PPP1R1C: variants seen among roughly 807,000 people sequenced by gnomAD.
PPP1R1C encodes the protein protein phosphatase 1 regulatory subunit 1C.
In PPP1R1C, 15 loss-of-function variants were observed where a neutral mutation model predicts 17.4. The observed-to-expected ratio is 0.86, with a 90% CI of 0.58 to 1.33. The LOEUF is 1.33. Among genes scored for constraint, PPP1R1C ranks in the 40% most tolerant of loss-of-function variants. The probability of loss-of-function intolerance (pLI) is 0.00; values close to 1 mark genes in which losing one functional copy is unlikely to be tolerated. For missense variants in PPP1R1C, 143 were observed against 130.0 expected, an observed-to-expected ratio of 1.10 and a Z score of -0.48; for synonymous variants, 35 against 43.1, an observed-to-expected ratio of 0.81 and a Z score of 0.73.
intron 2 of PPP1R1C, among the ~76,000 whole-genome samples, chr2:181,992,216 G>T (rs1213160826): frequency 1.3e-5 from 1 of 77,094 alleles, no homozygotes; most frequent in African/African-American, 4.9e-5. Context: ...GATAATTTCA[G>T]ATGTTAGAAA....
At chr2:182,036,988 CA>C (rs1307053989) in intron 2 of PPP1R1C, among the ~76,000 whole-genome samples, 1 of 152,076 alleles carries the variant, frequency 6.6e-6, no homozygotes, top group African/African-American at 2.4e-5. Flanking sequence ...ATGTGAATTT[CA>C]AAGAGAGAGT....
chr2:182,067,966 T>C (rs1413312334), intron 4 of PPP1R1C, among the ~76,000 whole-genome samples: 1 of 152,112 alleles, frequency 6.6e-6, no homozygotes, highest in African/African-American at 2.4e-5. Context: ...GCAGATGCCA[T>C]TACTGAACCG....
At chr2:182,126,699 C>T (rs186954405) in intron 5 of PPP1R1C, among the ~76,000 whole-genome samples, 49 of 152,028 alleles carry the variant, frequency 3.2e-4, no homozygotes, top group Admixed American at 3.0e-3. Flanking sequence ...ACCACTCAAC[C>T]GTAGGTCTTT....
At chr2:182,115,875 CTTCCT>C (rs1424311015) in intron 4 of PPP1R1C, among the ~76,000 whole-genome samples, 2 of 152,084 alleles carry the variant, frequency 1.3e-5, no homozygotes, top group Non-Finnish European at 2.9e-5. Flanking sequence ...TGAGGAATGA[CTTCCT>C]TTCATTTATC....
intron 1 of PPP1R1C, among the ~76,000 whole-genome samples, chr2:181,955,439 G>T (rs572280951): frequency 6.6e-6 from 1 of 152,168 alleles, no homozygotes; most frequent in Non-Finnish European, 1.5e-5. Context: ...TGTAATTATC[G>T]TTTCCCTTTT....
intron 2 of PPP1R1C, among the ~76,000 whole-genome samples, chr2:182,031,161 A>G (rs1158053075): frequency 1.3e-5 from 2 of 152,168 alleles, no homozygotes; most frequent in Non-Finnish European, 2.9e-5. Context: ...AAATGCAGAA[A>G]TCACCTGTCT....
chr2:182,041,895 A>G (rs1687195297), intron 2 of PPP1R1C, among the ~76,000 whole-genome samples: 1 of 152,138 alleles, frequency 6.6e-6, no homozygotes, highest in Non-Finnish European at 1.5e-5. Context: ...CTTAAAGTTT[A>G]ATTTATAATG....
chr2:182,001,550 C>A (rs1042680840), intron 2 of PPP1R1C, among the ~76,000 whole-genome samples: 9 of 152,090 alleles, frequency 5.9e-5, no homozygotes, highest in African/African-American at 2.2e-4. Flanking sequence ...TGGTCATATA[C>A]TTTCCTTCCA....
At chr2:182,097,643 A>T (rs960207445) in intron 4 of PPP1R1C, among the ~76,000 whole-genome samples, 1 of 152,162 alleles carries the variant, frequency 6.6e-6, no homozygotes, top group African/African-American at 2.4e-5. Flanking sequence ...GTATTTTGTG[A>T]CAGAAACAAG....
At chr2:181,991,501 A>C (rs1263503589) in intron 2 of PPP1R1C, among the ~76,000 whole-genome samples, 1 of 152,200 alleles carries the variant, frequency 6.6e-6, no homozygotes, top group Non-Finnish European at 1.5e-5. Context: ...TGAAGGCATG[A>C]GTCAGGGAAA....
chr2:182,125,360 CT>C (rs1003245449), intron 5 of PPP1R1C, among the ~76,000 whole-genome samples: 55 of 152,108 alleles, frequency 3.6e-4, no homozygotes, highest in African/African-American at 1.3e-3. Flanking sequence ...CTGAAATTTT[CT>C]TTTTTTGTTG....
At chr2:182,032,837 T>C (rs544180528) in intron 2 of PPP1R1C, among the ~76,000 whole-genome samples, 1 of 152,308 alleles carries the variant, frequency 6.6e-6, no homozygotes, top group African/African-American at 2.4e-5. Context: ...ATATTAATGC[T>C]TTCTCCTTAA....
At chr2:182,068,206 G>C (rs141401407) in intron 4 of PPP1R1C, among the ~76,000 whole-genome samples, 122 of 152,276 alleles carry the variant, frequency 8.0e-4, no homozygotes, top group African/African-American at 2.9e-3. Flanking sequence ...TGGGGAAAAT[G>C]AAAGTGTTGT....
At chr2:182,110,407 T>C (rs1689382053) in intron 4 of PPP1R1C, among the ~76,000 whole-genome samples, 1 of 152,152 alleles carries the variant, frequency 6.6e-6, no homozygotes, top group Non-Finnish European at 1.5e-5. Flanking sequence ...ACAATATTAT[T>C]CTAGTCAGAG....
intron 5 of PPP1R1C, among the ~76,000 whole-genome samples, chr2:182,127,633 CAAAACTTTTTTAGAAAT>C (rs555736522): frequency 8.5e-4 from 130 of 152,136 alleles, no homozygotes; most frequent in Middle Eastern, 3.4e-3. Context: ...AACAAAGAAG[CAAAACTTTTTTAGAAAT>C]CTTGAACTAA....
downstream of PPP1R1C, chr2:182,130,641 T>A (rs986351985): frequency 1.3e-5 from 2 of 150,034 alleles, no homozygotes; most frequent in Non-Finnish European, 3.0e-5. Context: ...TTGCAGTAGA[T>A]GAGTGAGTCT....
intron 2 of PPP1R1C, among the ~76,000 whole-genome samples, chr2:182,026,225 T>C (rs1340135063): frequency 9.5e-6 from 1 of 105,382 alleles, no homozygotes; most frequent in Non-Finnish European, 2.0e-5. Flanking sequence ...TAGATCCCAT[T>C]TGTCAATTTT....
At chr2:182,115,932 A>C (rs1689567572) in intron 4 of PPP1R1C, among the ~76,000 whole-genome samples, 1 of 152,148 alleles carries the variant, frequency 6.6e-6, no homozygotes, top group African/African-American at 2.4e-5. Context: ...TAAAAAATCT[A>C]ATAAACTAAT....
At chr2:181,972,836 A>G (rs1281176627) in intron 1 of PPP1R1C, among the ~76,000 whole-genome samples, 1 of 152,200 alleles carries the variant, frequency 6.6e-6, no homozygotes, top group Non-Finnish European at 1.5e-5. Context: ...ACCTACTCCT[A>G]TCATTCATTT....
Sources: gnomAD v4.1 joint callset for allele counts (sites outside exome capture counted in the v4.1 genomes callset) on GRCh38, gnomAD v4.1.1 for gene constraint, MANE v1.5 for transcripts, NCBI Gene and HGNC (gene_info 2026-07-23, HGNC 2026-07-21) for gene names.